TUSC3: variants seen among roughly 807,000 people sequenced by gnomAD.
The protein encoded by TUSC3 is dolichyl-diphosphooligosaccharide--protein glycosyltransferase subunit TUSC3.
Under a neutral mutation model 44.8 loss-of-function variants are expected in TUSC3, and 45 were observed. That is an observed-to-expected ratio of 1.00 (90% confidence interval 0.79 to 1.29). TUSC3 has a LOEUF of 1.29. Ranked by LOEUF, TUSC3 falls within the 50% of genes most tolerant of loss-of-function variation. The probability of loss-of-function intolerance (pLI) is 0.00; values close to 1 mark genes in which losing one functional copy is unlikely to be tolerated. For missense variants in TUSC3, 519 were observed against 437.9 expected (o/e 1.19, Z -1.65); for synonymous variants, 212 against 152.9 (o/e 1.39, Z -2.85).
chr8:15,537,484 C>T (rs1801540724), upstream of TUSC3, among the ~76,000 whole-genome samples: 1 of 152,180 alleles, frequency 6.6e-6, no homozygotes, highest in Non-Finnish European at 1.5e-5. Flanking sequence ...CAAGGTCACT[C>T]ATATTTGGCT....
At chr8:15,820,011 T>C in the TUSC3 span, among the ~76,000 whole-genome samples, 3 of 152,210 alleles carry the variant, frequency 2.0e-5, no homozygotes, top group African/African-American at 7.2e-5. Context: ...GTTTTTCTTA[T>C]ACGTACTTTA....
chr8:15,489,506 C>G (rs1288403843), intron 2 of TUSC3, among the ~76,000 whole-genome samples: 1 of 152,176 alleles, frequency 6.6e-6, no homozygotes, highest in Non-Finnish European at 1.5e-5. Flanking sequence ...AGAGGTTTCT[C>G]TGCAGAATAT....
At chr8:15,654,769 C>T (rs1807080324) in intron 3 of TUSC3, among the ~76,000 whole-genome samples, 1 of 151,896 alleles carries the variant, frequency 6.6e-6, no homozygotes, top group African/African-American at 2.4e-5. Flanking sequence ...TGCCCTCCAG[C>T]CTGGGTGACA....
At chr8:15,712,883 C>G (rs1809913634) in intron 6 of TUSC3, among the ~76,000 whole-genome samples, 1 of 152,040 alleles carries the variant, frequency 6.6e-6, no homozygotes, top group African/African-American at 2.4e-5. Flanking sequence ...TTCTTCATTT[C>G]TGGTTCACTC....
intron 1 of TUSC3, among the ~76,000 whole-genome samples, chr8:15,428,698 A>G (rs1048109646): frequency 6.6e-6 from 1 of 152,016 alleles, no homozygotes; most frequent in Non-Finnish European, 1.5e-5. Flanking sequence ...TGTGGTTTTG[A>G]TTTGCATTTC....
chr8:15,440,131 T>G (rs1380322210), intron 1 of TUSC3, among the ~76,000 whole-genome samples: 1 of 152,280 alleles, frequency 6.6e-6, no homozygotes, highest in East Asian at 1.9e-4. Flanking sequence ...ATTTCTATGA[T>G]TTTGGGCTGG....
At chr8:15,655,272 C>G (rs1267152154) in intron 3 of TUSC3, among the ~76,000 whole-genome samples, 1 of 152,134 alleles carries the variant, frequency 6.6e-6, no homozygotes, top group Non-Finnish European at 1.5e-5. Context: ...AGTGAGTAGG[C>G]TCAAGCATGC....
At chr8:15,784,608 GCAA>G in the TUSC3 span, among the ~76,000 whole-genome samples, 1 of 151,900 alleles carries the variant, frequency 6.6e-6, no homozygotes, top group African/African-American at 2.4e-5. Context: ...TCTATCATTT[GCAA>G]CAACAGAGAT....
chr8:15,835,201 C>T, the TUSC3 span, among the ~76,000 whole-genome samples: 7 of 152,276 alleles, frequency 4.6e-5, no homozygotes, highest in Non-Finnish European at 1.0e-4. Context: ...TAAAGAAAAT[C>T]ATCCTTTACA....
chr8:15,755,099 G>C (rs1811868569), intron 9 of TUSC3, among the ~76,000 whole-genome samples: 1 of 152,048 alleles, frequency 6.6e-6, no homozygotes, highest in South Asian at 2.1e-4. Context: ...TCTGTCTCAT[G>C]CCATTACTAA....
intron 1 of TUSC3, among the ~76,000 whole-genome samples, chr8:15,550,295 C>T (rs190656458): frequency 2.6e-5 from 4 of 151,802 alleles, no homozygotes; most frequent in African/African-American, 9.6e-5. Flanking sequence ...GGTCTCCTCC[C>T]TTAATGGCAC....
intron 6 of TUSC3, among the ~76,000 whole-genome samples, chr8:15,688,350 C>T (rs62502123): frequency 0.21 from 31,824 of 151,670 alleles, 4,246 homozygotes; most frequent in Non-Finnish European, 0.3. Context: ...TTTGACTCCA[C>T]ATAATGCTAG....
the TUSC3 span, among the ~76,000 whole-genome samples, chr8:15,784,315 A>G: frequency 6.6e-6 from 1 of 152,174 alleles, no homozygotes; most frequent in East Asian, 1.9e-4. Flanking sequence ...AAAATAGATT[A>G]TCCAGCACTC....
At chr8:15,609,003 G>A (rs532795203) in intron 1 of TUSC3, among the ~76,000 whole-genome samples, 9 of 152,206 alleles carry the variant, frequency 5.9e-5, no homozygotes, top group East Asian at 1.9e-4. Context: ...AAAAACAAGC[G>A]TTGGAAATTT....
At chr8:15,823,205 G>T in the TUSC3 span, among the ~76,000 whole-genome samples, 1 of 152,160 alleles carries the variant, frequency 6.6e-6, no homozygotes, top group Non-Finnish European at 1.5e-5. Flanking sequence ...TCTGTCAACA[G>T]AATGAGTTTT....
At chr8:15,809,801 C>G in the TUSC3 span, among the ~76,000 whole-genome samples, 3 of 152,196 alleles carry the variant, frequency 2.0e-5, no homozygotes, top group African/African-American at 7.2e-5. Context: ...CTTAACAGTT[C>G]TCAACATTTG....
intron 6 of TUSC3, among the ~76,000 whole-genome samples, chr8:15,686,369 A>C (rs1347553957): frequency 6.6e-6 from 1 of 152,088 alleles, no homozygotes; most frequent in Non-Finnish European, 1.5e-5. Flanking sequence ...ATATAGTCCA[A>C]AAATTTTCAC....
chr8:15,757,207 CAG>C (rs1187163263), intron 9 of TUSC3, among the ~76,000 whole-genome samples: 4 of 152,050 alleles, frequency 2.6e-5, no homozygotes, highest in Non-Finnish European at 4.4e-5. Context: ...AAGTGAAAAA[CAG>C]AATATATAAA....
At chr8:15,796,733 T>C in the TUSC3 span, among the ~76,000 whole-genome samples, 4 of 152,168 alleles carry the variant, frequency 2.6e-5, no homozygotes, top group Non-Finnish European at 2.9e-5. Context: ...CCATGTTGTA[T>C]GTAAAGTTGC....
Sources: gnomAD v4.1 joint callset for allele counts (sites outside exome capture counted in the v4.1 genomes callset) on GRCh38, gnomAD v4.1.1 for gene constraint, MANE v1.5 for transcripts, NCBI Gene and HGNC (gene_info 2026-07-23, HGNC 2026-07-21) for gene names.